NFIX: variants seen among roughly 807,000 people sequenced by gnomAD.
NFIX encodes nuclear factor I X.
Under a neutral mutation model 53.3 loss-of-function variants are expected in NFIX, and 2 were observed. The observed-to-expected ratio is 0.04, with a 90% CI of 0.02 to 0.12. NFIX has a LOEUF of 0.12. NFIX is among the 10% of genes least tolerant of loss of function. The pLI, the probability that NFIX is intolerant of heterozygous loss-of-function variation, is 1.00. For synonymous variants in NFIX, 244 were observed against 289.0 expected, an observed-to-expected ratio of 0.84 and a Z score of 1.58; for missense variants, 310 against 674.5, an observed-to-expected ratio of 0.46 and a Z score of 5.99.
At chr19:13,069,591 G>A (rs560820068) in intron 2 of NFIX, among the ~76,000 whole-genome samples, 13 of 152,168 alleles carry the variant, frequency 8.5e-5, no homozygotes, top group East Asian at 1.9e-4. Context: ...GCTCAGGGGC[G>A]AGGAGGAAAG....
At chr19:13,091,948 T>TC (rs1312618245) in intron 10 of NFIX, among the ~76,000 whole-genome samples, 1 of 152,112 alleles carries the variant, frequency 6.6e-6, no homozygotes, top group African/African-American at 2.4e-5. Flanking sequence ...AAAGTTTGTC[T>TC]CCCCCCATGT....
Position 13,097,306 on chromosome 19 carries a change from T to A in NFIX, c.*2657T>A, listed in dbSNP as rs996589543. 1.2e-4 allele frequency: 18 copies of A among 151,244 alleles called. 2 individuals are homozygous for A. The highest frequency in any genetic ancestry group is 4.4e-4 in the African/African-American group (18 of 41,106). 9.4% of individuals were successfully genotyped at this position (151,244 alleles called of 1,614,324 possible). On this transcript the variant is annotated 3_prime_UTR_variant, in exon 11 of 11. Transcript: ENST00000592199. ...AAGGAAACGTTCACATTTTAGAGTT[T>A]AAAAAAAACACCTCGACATTTAAAA...
rs576697002 is a variant in NFIX at position 13,006,042 on chromosome 19, G to A, written c.27+10178G>A. On this transcript the variant is annotated intron_variant, in intron 1 of 10. Coordinates refer to ENST00000592199, the MANE Select transcript of NFIX (RefSeq NM_001365902.3). This position sits in a 1 kb window ranked among gnomAD's most constrained non-coding sequence, Gnocchi z 5.6. ...GGTGCCAGGCTCTGTTTTAGGCCCCGGGGGCTCGGCAGGGAGCAAAATCTG... is the reference window on the plus strand; with the variant it reads ...GGTGCCAGGCTCTGTTTTAGGCCCCAGGGGCTCGGCAGGGAGCAAAATCTG... Among the ~76,000 whole-genome samples, 4 of 152,288 alleles carry A rather than the reference G, an allele frequency of 2.6e-5. No individual in the cohort carries two copies. Among genetic ancestry groups the A allele is most frequent in the African/African-American group, 7.2e-5 (3 of 41,550 alleles).
rs2014582887 is a variant in NFIX, at chr19:13,040,993, G to T, written c.559+15441G>T. On this transcript the variant is annotated intron_variant, in intron 2 of 10. Coordinates refer to ENST00000592199, the MANE Select transcript of NFIX (RefSeq NM_001365902.3). The surrounding 1 kb of genome is among the most constrained non-coding windows in gnomAD (Gnocchi z 4.2). ...CATGTGCCAGTTCTTGACTTTCTCT[G>T]AGACCGGTTTTCCCCTCTGAAGTCC... Among the ~76,000 whole-genome samples the T allele has an allele frequency of 6.6e-6, 1 of 152,154 alleles. No individual in the cohort carries two copies. The highest frequency in any genetic ancestry group is 2.4e-5 in the African/African-American group (1 of 41,434).
Position 13,049,627 on chromosome 19 carries a change from T to G in NFIX, c.560-23420T>G, listed in dbSNP as rs918788433. 2.0e-5 allele frequency among the ~76,000 whole-genome samples: 3 copies of G among 149,832 alleles called. No individual in the cohort carries two copies. The highest frequency in any genetic ancestry group is 7.4e-5 in the African/African-American group (3 of 40,644). ...TTTTTTTTTTGAGACAGAGTCTTAC[T>G]CTGTCGCCCAGGCTGGAGTGCAGTG... On this transcript the variant is annotated intron_variant, in intron 2 of 10. Coordinates refer to ENST00000592199, the MANE Select transcript of NFIX (RefSeq NM_001365902.3). The surrounding 1 kb of genome is among the most constrained non-coding windows in gnomAD (Gnocchi z 4.5).
chr19:13,044,648 C>T (rs182228763), intron 2 of NFIX, among the ~76,000 whole-genome samples: 4 of 152,252 alleles, frequency 2.6e-5, no homozygotes, highest in Admixed American at 6.5e-5. Context: ...AGTCAGAGGG[C>T]GTGCATGCTT....
intron 1 of NFIX, among the ~76,000 whole-genome samples, chr19:13,020,661 T>TG (rs2012916904): frequency 1.3e-5 from 2 of 152,150 alleles, no homozygotes; most frequent in Non-Finnish European, 2.9e-5. Flanking sequence ...CTTCTTCTGT[T>TG]AAGAGAGCCT....
chr19:13,085,297 G>T (rs925287823), intron 8 of NFIX, among the ~76,000 whole-genome samples: 1 of 152,168 alleles, frequency 6.6e-6, no homozygotes. Context: ...ATCAGGCGGG[G>T]ATTAGCATTA....
At chr19:13,016,843 C>G (rs529484762) in intron 1 of NFIX, among the ~76,000 whole-genome samples, 4 of 152,238 alleles carry the variant, frequency 2.6e-5, no homozygotes, top group African/African-American at 9.6e-5. Context: ...CTTCCTTTAG[C>G]CTCTGCTCCT....
At chr19:13,055,220 T>G (rs919340066) in intron 2 of NFIX, among the ~76,000 whole-genome samples, 1 of 80,556 alleles carries the variant, frequency 1.2e-5, no homozygotes, top group South Asian at 4.0e-4. Flanking sequence ...GGCACAACCC[T>G]CCCCCCCTCC....
At chr19:13,080,140 G>T (rs1455112372) in intron 7 of NFIX, among the ~76,000 whole-genome samples, 4 of 152,204 alleles carry the variant, frequency 2.6e-5, no homozygotes, top group African/African-American at 9.7e-5. Flanking sequence ...GGTGCAGAGT[G>T]TCAGCAAGTA....
intron 2 of NFIX, among the ~76,000 whole-genome samples, chr19:13,034,261 G>C (rs761769188): frequency 6.6e-6 from 1 of 152,218 alleles, no homozygotes; most frequent in South Asian, 2.1e-4. Flanking sequence ...TCCCCCAGTG[G>C]CTGAGTATGT....
At chr19:13,047,134 T>C (rs372644026) in intron 2 of NFIX, among the ~76,000 whole-genome samples, 17 of 152,236 alleles carry the variant, frequency 1.1e-4, no homozygotes, top group Admixed American at 5.2e-4. Context: ...CCTTGGATTC[T>C]TGGGATCAAT....
In NFIX at chr19:13,012,185, GTGGCATGTACCAGGC is replaced by G. The variant is rs1447598061; in HGVS notation, c.28-12831_28-12817del. ...GCCCCGGATGTCAGACGCGACCTGT[GTGGCATGTACCAGGC>G]TGGCTCCGACGACGGAACCGCCATG... is the stretch of plus-strand genomic sequence containing the variant. On this transcript the variant is annotated intron_variant, in intron 1 of 10. Coordinates refer to ENST00000592199, the MANE Select transcript of NFIX (RefSeq NM_001365902.3). This position sits in a 1 kb window ranked among gnomAD's most constrained non-coding sequence, Gnocchi z 5.0. 1 of 152,316 alleles carries G rather than the reference GTGGCATGTACCAGGC, an allele frequency of 6.6e-6. No homozygotes were observed. Among genetic ancestry groups the G allele is most frequent in the Non-Finnish European group, 1.5e-5 (1 of 68,094 alleles). The allele number at this position is 152,316 out of a possible 1,614,324, so 9.4% of individuals were successfully genotyped here. A position where few individuals can be genotyped will look rare whatever the true frequency, so the allele number is the denominator to read the frequency against.
At position 13,052,683 on chromosome 19, in the gene NFIX, C is replaced by G. The variant is rs920581439; in HGVS notation, c.560-20364C>G. ...GTTCATAGCCTGGCCTTAACCCTGC[C>G]GATTCCATATACTGTGCTCATCTCG... On this transcript the variant is annotated intron_variant, in intron 2 of 10. Coordinates refer to ENST00000592199, the MANE Select transcript of NFIX (RefSeq NM_001365902.3). This position sits in a 1 kb window ranked among gnomAD's most constrained non-coding sequence, Gnocchi z 5.2. 6.6e-6 allele frequency among the ~76,000 whole-genome samples: 1 copy of G among 152,184 alleles called. No homozygotes were observed. Among genetic ancestry groups the G allele is most frequent in the South Asian group, 2.1e-4 (1 of 4,826 alleles).
chr19:13,063,739 A>G (rs768603043), intron 2 of NFIX, among the ~76,000 whole-genome samples: 7 of 151,726 alleles, frequency 4.6e-5, no homozygotes, highest in Non-Finnish European at 7.4e-5. Flanking sequence ...CCCTCCTCCA[A>G]ACTCCTGCTT....
intron 5 of NFIX, 58 bp downstream of exon 5, chr19:13,074,084 G>A (rs965898711): frequency 1.6e-5 from 26 of 1,604,208 alleles, no homozygotes; most frequent in East Asian, 4.5e-5. Context: ...GGCCAGGGCC[G>A]TCCCAGTGGC....
At chr19:13,085,062 T>C (rs1599869153) in intron 8 of NFIX, among the ~76,000 whole-genome samples, 1 of 120,868 alleles carries the variant, frequency 8.3e-6, no homozygotes, top group Non-Finnish European at 1.6e-5. Context: ...AGAGTGAGAC[T>C]CCATCTCAAA....
At chr19:13,024,775 C>T in intron 1 of NFIX, 1 of 1,497,218 alleles carries the variant, frequency 6.7e-7, no homozygotes. Context: ...CTCCCGGTGC[C>T]TCTGTCTGGC....
Sources: gnomAD v4.1 joint callset for allele counts (sites outside exome capture counted in the v4.1 genomes callset) on GRCh38, gnomAD v4.1.1 for gene constraint, Gnocchi (gnomAD v3.1) non-coding constraint, MANE v1.5 for transcripts, NCBI Gene and HGNC (gene_info 2026-07-23, HGNC 2026-07-21) for gene names.